Variants in GRID2 observed in about 807,000 individuals in gnomAD.
GRID2 encodes the protein glutamate receptor ionotropic, delta-2.
GRID2 carries 33 observed loss-of-function variants against 114.8 expected under a neutral mutation model. The observed-to-expected ratio is 0.29, with a 90% CI of 0.22 to 0.38. The LOEUF is 0.38. GRID2 is among the 10% of genes least tolerant of loss of function. The probability of loss-of-function intolerance (pLI) is 1.00; values close to 1 mark genes in which losing one functional copy is unlikely to be tolerated. For missense variants in GRID2, 1,184 were observed against 1,257.7 expected (o/e 0.94, Z 0.89); for synonymous variants, 505 against 449.9 (o/e 1.12, Z -1.55).
At chr4:93,328,273 CCT>C (rs10577592) in intron 8 of GRID2, among the ~76,000 whole-genome samples, 58,533 of 151,520 alleles carry the variant, frequency 0.39, 11,537 homozygotes, top group East Asian at 0.62. Flanking sequence ...GTGATCTGCC[CCT>C]GTTTATCTCT....
At chr4:93,510,422 A>G (rs1729051894) in intron 12 of GRID2, among the ~76,000 whole-genome samples, 1 of 152,186 alleles carries the variant, frequency 6.6e-6, no homozygotes, top group African/African-American at 2.4e-5. Flanking sequence ...GGAAAAAAAT[A>G]TAAGTGAAAG....
At chr4:92,964,430 T>A (rs994215884) in intron 2 of GRID2, among the ~76,000 whole-genome samples, 1 of 151,958 alleles carries the variant, frequency 6.6e-6, no homozygotes, top group African/African-American at 2.4e-5. Flanking sequence ...AGAACAAATG[T>A]ACATGGGGGT....
chr4:93,307,071 C>T (rs908124060), intron 8 of GRID2, among the ~76,000 whole-genome samples: 2 of 151,976 alleles, frequency 1.3e-5, no homozygotes, highest in South Asian at 2.1e-4. Context: ...TGGTGTGTGC[C>T]TGTAATCCCA....
intron 2 of GRID2, among the ~76,000 whole-genome samples, chr4:92,932,607 C>T (rs2149522446): frequency 6.6e-6 from 1 of 151,370 alleles, no homozygotes; most frequent in South Asian, 2.1e-4. Context: ...AATACTTACA[C>T]AAAACTATTC....
chr4:92,380,893 A>G (rs987864985), intron 1 of GRID2, among the ~76,000 whole-genome samples: 19 of 152,014 alleles, frequency 1.2e-4, no homozygotes, highest in African/African-American at 3.6e-4. Context: ...TAAATTACAC[A>G]ACCAAAATGG....
chr4:93,752,527 C>T (rs1040490081), intron 14 of GRID2, among the ~76,000 whole-genome samples: 5 of 152,050 alleles, frequency 3.3e-5, no homozygotes, highest in Admixed American at 2.0e-4. Context: ...CCTGCCACCA[C>T]GCCCGGCTAA....
At chr4:92,461,879 C>G in intron 1 of GRID2, among the ~76,000 whole-genome samples, 1 of 151,946 alleles carries the variant, frequency 6.6e-6, no homozygotes. Context: ...TCTTCATCAG[C>G]CTAGAAGTGT....
chr4:92,397,551 C>T (rs1002218151), intron 1 of GRID2, among the ~76,000 whole-genome samples: 1 of 151,868 alleles, frequency 6.6e-6, no homozygotes, highest in African/African-American at 2.4e-5. Flanking sequence ...TTTATGTCAC[C>T]CAACATATGG....
intron 2 of GRID2, among the ~76,000 whole-genome samples, chr4:92,910,612 A>G (rs955830655): frequency 6.6e-6 from 1 of 152,132 alleles, no homozygotes; most frequent in African/African-American, 2.4e-5. Context: ...AGAATTTTCA[A>G]AAGTTGAGTA....
intron 1 of GRID2, among the ~76,000 whole-genome samples, chr4:92,563,403 T>G (rs964812317): frequency 6.6e-6 from 1 of 152,132 alleles, no homozygotes; most frequent in Non-Finnish European, 1.5e-5. Context: ...AAAGAAGTGC[T>G]GAGCTGGAAA....
chr4:93,120,918 A>G (rs1013117514), intron 4 of GRID2, among the ~76,000 whole-genome samples: 3 of 152,022 alleles, frequency 2.0e-5, no homozygotes, highest in Non-Finnish European at 1.5e-5. Flanking sequence ...GCGCCACTGC[A>G]CTCCAGCCTG....
chr4:92,770,006 T>C (rs921044983), intron 2 of GRID2, among the ~76,000 whole-genome samples: 25 of 152,218 alleles, frequency 1.6e-4, no homozygotes, highest in Non-Finnish European at 1.9e-4. Flanking sequence ...TTAATTTCTA[T>C]TGCATTGTTA....
intron 4 of GRID2, among the ~76,000 whole-genome samples, chr4:93,136,364 A>G (rs566091325): frequency 6.6e-6 from 1 of 151,940 alleles, no homozygotes; most frequent in Admixed American, 6.6e-5. Flanking sequence ...TCTAGTAGTG[A>G]TACTGTTATT....
At chr4:92,985,225 A>ATTT (rs778500467) in intron 2 of GRID2, among the ~76,000 whole-genome samples, 2 of 141,184 alleles carry the variant, frequency 1.4e-5, no homozygotes, top group African/African-American at 5.2e-5. Context: ...AATAAGGGTA[A>ATTT]TTTTTTTTTT....
chr4:92,962,036 G>T (rs778662691), intron 2 of GRID2, among the ~76,000 whole-genome samples: 1 of 151,490 alleles, frequency 6.6e-6, no homozygotes, highest in Admixed American at 6.6e-5. Flanking sequence ...GAGAATTTCC[G>T]TCTCTCTGCC....
intron 1 of GRID2, among the ~76,000 whole-genome samples, chr4:92,341,222 T>C (rs1014044503): frequency 1.3e-5 from 2 of 152,174 alleles, no homozygotes; most frequent in Admixed American, 6.5e-5. Context: ...GAAAATCTTA[T>C]CAGTCTGCTA....
chr4:93,733,976 A>G (rs2110232697), intron 14 of GRID2, among the ~76,000 whole-genome samples: 1 of 152,158 alleles, frequency 6.6e-6, no homozygotes, highest in Non-Finnish European at 1.5e-5. Context: ...CTCTTCTTAA[A>G]TGTATCCTTT....
chr4:92,604,122 C>G (rs760310542), intron 2 of GRID2, among the ~76,000 whole-genome samples: 41 of 152,198 alleles, frequency 2.7e-4, no homozygotes, highest in Admixed American at 9.8e-4. Flanking sequence ...TTGTGGAAGA[C>G]AGTGTGGCAA....
intron 2 of GRID2, among the ~76,000 whole-genome samples, chr4:92,700,506 C>T (rs2149300729): frequency 6.6e-6 from 1 of 152,258 alleles, no homozygotes; most frequent in South Asian, 2.1e-4. Flanking sequence ...CATTTTAAAA[C>T]CTAATTCTCC....
Sources: allele counts gnomAD v4.1 joint callset (sites outside exome capture counted in the v4.1 genomes callset), GRCh38; gene constraint gnomAD v4.1.1; transcripts MANE v1.5; gene names NCBI Gene and HGNC (gene_info 2026-07-23, HGNC 2026-07-21).